GRXCR1: variants seen among roughly 807,000 people sequenced by gnomAD.
GRXCR1 encodes glutaredoxin and cysteine rich domain containing 1.
Under a neutral mutation model 27.3 loss-of-function variants are expected in GRXCR1, and 27 were observed. The observed-to-expected ratio is 0.99, with a 90% CI of 0.73 to 1.37. GRXCR1 has a LOEUF of 1.37. GRXCR1 is among the 40% of genes most tolerant of loss of function. The probability of loss-of-function intolerance (pLI) is 0.00; values close to 1 mark genes in which losing one functional copy is unlikely to be tolerated. For synonymous variants in GRXCR1, 122 were observed against 131.1 expected, an observed-to-expected ratio of 0.93 and a Z score of 0.47; for missense variants, 379 against 354.4, an observed-to-expected ratio of 1.07 and a Z score of -0.56.
chr4:42,932,681 C>T (rs1167305135), intron 1 of GRXCR1, among the ~76,000 whole-genome samples: 2 of 129,572 alleles, frequency 1.5e-5, no homozygotes, highest in Non-Finnish European at 3.2e-5. Context: ...CTGTACAGGG[C>T]CCTGTGCTAT....
At position 42,954,204 on chromosome 4, in the gene GRXCR1, A is replaced by G. The variant is rs374594758; in HGVS notation, c.385-8688A>G. ...AATGTAACATCCAGCAGTACTAGCA[A>G]AGAACTGGGTAAGAGGATAGAGGGG... On this transcript the variant is annotated intron_variant, in intron 1 of 3. Coordinates refer to ENST00000399770, the MANE Select transcript of GRXCR1 (RefSeq NM_001080476.3). Among the ~76,000 whole-genome samples, 3 of 152,142 alleles carry G rather than the reference A, an allele frequency of 2.0e-5. No individual in the cohort carries two copies. In the East Asian group the frequency reaches 5.8e-4, roughly 29 times the overall value.
intron 2 of GRXCR1, 25 bp downstream of exon 2, chr4:42,963,159 T>G: frequency 6.2e-7 from 1 of 1,610,738 alleles, no homozygotes; most frequent in Non-Finnish European, 8.5e-7. Context: ...CAGGAAAGTC[T>G]TTTTCATAGA....
At chr4:43,006,889 A>AATTTCTCT (rs1226538921) in intron 2 of GRXCR1, among the ~76,000 whole-genome samples, 2 of 152,134 alleles carry the variant, frequency 1.3e-5, no homozygotes, top group Non-Finnish European at 2.9e-5. Flanking sequence ...CCAGCTTTAA[A>AATTTCTCT]ATTTCTCTCT....
intron 2 of GRXCR1, among the ~76,000 whole-genome samples, chr4:42,970,360 C>T (rs962412128): frequency 1.3e-5 from 2 of 152,140 alleles, no homozygotes; most frequent in Admixed American, 1.3e-4. Flanking sequence ...TTCCCCTCAG[C>T]ACTGTTCTAG....
At chr4:42,902,726 T>A (rs1316698310) in intron 1 of GRXCR1, among the ~76,000 whole-genome samples, 1 of 152,120 alleles carries the variant, frequency 6.6e-6, no homozygotes, top group Non-Finnish European at 1.5e-5. Flanking sequence ...GAATAGCTAA[T>A]AGATGCTGGG....
Position 43,019,339 on chromosome 4 carries a change from G to A in GRXCR1, c.628-1015G>A, listed in dbSNP as rs191832587. On this transcript the variant is annotated intron_variant, in intron 2 of 3. Transcript: ENST00000399770. The stretch of plus-strand genomic sequence containing the variant: ...TAGTAACCTCCATAAGAACTAGAAC[G>A]TTTTTATTTTTTAAATGAGTCCTGC... Among the ~76,000 whole-genome samples the A allele has an allele frequency of 2.0e-3, 311 of 152,190 alleles. 1 individual carries two copies. Among genetic ancestry groups the A allele is most frequent in the African/African-American group, 6.8e-3 (284 of 41,548 alleles).
intron 2 of GRXCR1, among the ~76,000 whole-genome samples, chr4:43,011,233 C>T (rs1259640996): frequency 6.6e-6 from 1 of 152,196 alleles, no homozygotes; most frequent in Non-Finnish European, 1.5e-5. Context: ...TTTTCCCTTC[C>T]AGGTCCGTTT....
At chr4:42,934,094 A>C (rs1188870800) in intron 1 of GRXCR1, among the ~76,000 whole-genome samples, 1 of 151,880 alleles carries the variant, frequency 6.6e-6, no homozygotes, top group Non-Finnish European at 1.5e-5. Flanking sequence ...ATCAGAAAGG[A>C]GCAGACAACT....
chr4:42,968,275 TC>T (rs563919092), intron 2 of GRXCR1, among the ~76,000 whole-genome samples: 102 of 152,228 alleles, frequency 6.7e-4, no homozygotes, highest in Non-Finnish European at 1.3e-3. Flanking sequence ...ATCTCTGAGA[TC>T]ATCATTCATT....
chr4:42,895,512 A>G (rs1328267667), intron 1 of GRXCR1, among the ~76,000 whole-genome samples: 1 of 152,120 alleles, frequency 6.6e-6, no homozygotes, highest in Non-Finnish European at 1.5e-5. Context: ...CATCAGCAGC[A>G]TCTTAATTGT....
At chr4:42,916,511 A>G (rs549987411) in intron 1 of GRXCR1, among the ~76,000 whole-genome samples, 160 of 152,250 alleles carry the variant, frequency 1.1e-3, no homozygotes, top group Non-Finnish European at 1.7e-3. Context: ...CAATTATTTG[A>G]TACAATATCT....
chr4:42,934,451 C>A (rs931305163), intron 1 of GRXCR1, among the ~76,000 whole-genome samples: 1 of 151,676 alleles, frequency 6.6e-6, no homozygotes, highest in African/African-American at 2.4e-5. Context: ...TGCTTGAACA[C>A]ATGGATTAGC....
intron 1 of GRXCR1, among the ~76,000 whole-genome samples, chr4:42,910,125 A>G (rs767523488): frequency 1.3e-5 from 2 of 152,062 alleles, no homozygotes; most frequent in African/African-American, 2.4e-5. Flanking sequence ...GTGAAGGAGG[A>G]AGTTGCCAAA....
chr4:42,918,011 T>C (rs1746922821), intron 1 of GRXCR1, among the ~76,000 whole-genome samples: 1 of 152,126 alleles, frequency 6.6e-6, no homozygotes, highest in Non-Finnish European at 1.5e-5. Context: ...AACTGAAATA[T>C]ATATCTGCAT....
In GRXCR1 at chr4:42,893,112, G is replaced by C. The variant is rs1035196359; in HGVS notation, c.-155G>C. 6.6e-6 allele frequency among the ~76,000 whole-genome samples: 1 copy of C among 152,126 alleles called. No homozygotes were observed. Among genetic ancestry groups the C allele is most frequent in the Non-Finnish European group, 1.5e-5 (1 of 68,008 alleles). On this transcript the variant is annotated 5_prime_UTR_variant, in exon 1 of 4. Coordinates refer to ENST00000399770, the MANE Select transcript of GRXCR1 (RefSeq NM_001080476.3). ...TTATTATTAATAGCAGAGACACACT[G>C]TAAGTCCTTGGGAATCTTCTTTCCT... is the stretch of plus-strand genomic sequence containing the variant.
chr4:43,003,583 T>C (rs1712456028), intron 2 of GRXCR1, among the ~76,000 whole-genome samples: 1 of 152,200 alleles, frequency 6.6e-6, no homozygotes, highest in Non-Finnish European at 1.5e-5. Context: ...GATGAGAAAC[T>C]TCTTGAGAAC....
intron 1 of GRXCR1, among the ~76,000 whole-genome samples, chr4:42,960,288 A>G (rs1189537390): frequency 6.6e-6 from 1 of 152,004 alleles, no homozygotes; most frequent in Non-Finnish European, 1.5e-5. Flanking sequence ...CAGTAATAGT[A>G]GTCTTTGTAT....
chr4:42,941,623 T>C (rs962461576), intron 1 of GRXCR1, among the ~76,000 whole-genome samples: 3 of 152,024 alleles, frequency 2.0e-5, no homozygotes, highest in African/African-American at 7.2e-5. Flanking sequence ...AAGGATAACA[T>C]AAAGGCTCCA....
intron 1 of GRXCR1, among the ~76,000 whole-genome samples, chr4:42,909,637 T>A: frequency 6.6e-6 from 1 of 152,180 alleles, no homozygotes; most frequent in East Asian, 1.9e-4. Context: ...TCCTGGTTAG[T>A]AACTTTACGT....
Sources: gnomAD v4.1 joint callset for allele counts (sites outside exome capture counted in the v4.1 genomes callset) on GRCh38, gnomAD v4.1.1 for gene constraint, MANE v1.5 for transcripts, NCBI Gene and HGNC (gene_info 2026-07-23, HGNC 2026-07-21) for gene names.